Variants in SHPRH observed in about 807,000 individuals in gnomAD.
SHPRH encodes the protein E3 ubiquitin-protein ligase SHPRH.
Under a neutral mutation model 202.5 loss-of-function variants are expected in SHPRH, and 106 were observed. The ratio of observed to expected loss-of-function variants is 0.52; its 90% CI spans 0.45 to 0.62. SHPRH has a LOEUF of 0.62. SHPRH is among the 20% of genes least tolerant of loss of function. The pLI is 0.00. For synonymous variants in SHPRH, 729 were observed against 686.0 expected (o/e 1.06, Z -0.98); for missense variants, 1,710 against 2,020.0 (o/e 0.85, Z 2.94).
Position 145,867,826 on chromosome 6 carries a change from G to C in SHPRH, c.222-3335C>G, listed in dbSNP as rs76160100. Among the ~76,000 whole-genome samples, 10 of 151,766 alleles carry C rather than the reference G, an allele frequency of 6.6e-5. No individual in the cohort carries two copies. The East Asian group carries it at 1.6e-3, about 24-fold the overall frequency. ...TTCAGTTTCTGCTCTCCAGAACTGA[G>C]AGAATTAATTCCTGCGGTTCTAAGC... On this transcript the variant is annotated intron_variant, in intron 2 of 2. Transcript: ENST00000417762.
chr6:145,864,930 TAAAC>T (rs1264175350), intron 2 of SHPRH, among the ~76,000 whole-genome samples: 1 of 139,236 alleles, frequency 7.2e-6, no homozygotes, highest in Non-Finnish European at 1.6e-5. Flanking sequence ...ATAAAATTTA[TAAAC>T]ACACACACTC....
chr6:145,961,175 A>G (rs1160760756), intron 1 of SHPRH, among the ~76,000 whole-genome samples: 4 of 152,140 alleles, frequency 2.6e-5, no homozygotes, highest in Non-Finnish European at 5.9e-5. Flanking sequence ...CACAATAACC[A>G]AACTGTAATG....
At position 145,922,759 on chromosome 6, in the gene SHPRH, C is replaced by T. The variant is rs1474327547; in HGVS notation, c.3623G>A (p.Arg1208Lys). The change falls in exon 19 of 30, where the codon AGA becomes AAA. Residue 1208 changes from arginine (R) to lysine (K), a missense_variant. Physicochemically the swap from Arg to Lys is conservative, Grantham distance 26. Coordinates refer to ENST00000275233, the MANE Select transcript of SHPRH (RefSeq NM_001042683.3). ...TCCCTCCAGGTTTTTTACAGCCTCT[C>T]TTACTAGCTTCTGGCATTTATTTAG... is the stretch of plus-strand genomic sequence containing the variant. Reference protein sequence around the residue: ...EELNKCQKLVREAVKNLEGPP... With the variant: ...EELNKCQKLVKEAVKNLEGPP... The T allele has an allele frequency of 6.2e-7, 1 of 1,612,168 alleles. No homozygotes were observed. Among genetic ancestry groups the T allele is most frequent in the East Asian group, 2.2e-5 (1 of 44,760 alleles).
chr6:145,950,541 A>G, intron 3 of SHPRH, 59 bp from the exon 4 acceptor site: 1 of 1,507,206 alleles, frequency 6.6e-7, no homozygotes, highest in Non-Finnish European at 9.1e-7. Flanking sequence ...ACTATAAGCA[A>G]TTCTTATTCT....
In SHPRH at chr6:145,894,998, T is replaced by A. The variant is rs745405280; in HGVS notation, c.4516-21A>T. Reference sequence around the variant, plus strand: ...CTGCCCTTTGAACACACACACAAAATACACATTACTACTAAAAAATCTAGT... The same window carrying A: ...CTGCCCTTTGAACACACACACAAAAAACACATTACTACTAAAAAATCTAGT... On this transcript the variant is annotated intron_variant, in intron 25 of 29. Coordinates refer to ENST00000275233, the MANE Select transcript of SHPRH (RefSeq NM_001042683.3). The A allele has an allele frequency of 3.8e-6, 6 of 1,596,784 alleles. No individual in the cohort carries two copies. In the South Asian group the frequency reaches 5.6e-5, roughly 15 times the overall value.
intron 25 of SHPRH, among the ~76,000 whole-genome samples, chr6:145,897,542 G>GT (rs1782122634): frequency 6.6e-6 from 1 of 152,078 alleles, no homozygotes; most frequent in Non-Finnish European, 1.5e-5. Context: ...TACAAGACCA[G>GT]AAGTACTCTG....
At position 145,876,105 on chromosome 6, in the gene SHPRH, A is replaced by G. The variant is rs1439213605; in HGVS notation, c.222-11614T>C. ...TTGTGCAACTATCACTACAGTCTAA[A>G]TTTAGAACACTTTCATTACTCCATA... On this transcript the variant is annotated intron_variant, in intron 2 of 2. Coordinates refer to the SHPRH transcript ENST00000417762. 3.3e-5 allele frequency among the ~76,000 whole-genome samples: 5 copies of G among 152,330 alleles called. No individual in the cohort carries two copies. In the South Asian group the frequency reaches 1.0e-3, roughly 32 times the overall value.
In SHPRH at chr6:145,918,160, GC is replaced by G; in HGVS notation, c.4224del (p.Gln1409SerfsTer5). Reference protein sequence around the residue: ...VATSQLQKKLGQLLYLTNLEK... With the variant: ...VATSQLQKKLXQLLYLTNLEK... ...TCCAAATTAGTTAGGTAAAGAAGCT[GC>G]CCAAGTTTTTTCTGAAGCTGTGATG... On this transcript the variant is annotated frameshift_variant, in exon 23 of 30. Transcript: ENST00000275233. LOFTEE classifies it high-confidence loss of function. The G allele has an allele frequency of 6.2e-7, 1 of 1,606,382 alleles. No homozygotes were observed. Among genetic ancestry groups the G allele is most frequent in the South Asian group, 1.1e-5 (1 of 90,106 alleles).
At chr6:145,878,521 C>T (rs1780407025) in intron 2 of SHPRH, among the ~76,000 whole-genome samples, 1 of 152,156 alleles carries the variant, frequency 6.6e-6, no homozygotes, top group Admixed American at 6.5e-5. Context: ...AGCTGTTGAT[C>T]ATCTTTTCAT....
intron 2 of SHPRH, among the ~76,000 whole-genome samples, chr6:145,873,713 A>AGGGAGGGAGGG (rs1238940930): frequency 3.4e-5 from 3 of 87,922 alleles, no homozygotes; most frequent in African/African-American, 1.7e-4. Context: ...GGAAGGAAGG[A>AGGGAGGGAGGG]AGGGAGGGAG....
At chr6:145,929,942 C>T (rs1332242855) in intron 14 of SHPRH, among the ~76,000 whole-genome samples, 1 of 152,054 alleles carries the variant, frequency 6.6e-6, no homozygotes, top group Non-Finnish European at 1.5e-5. Flanking sequence ...CAATGTGCTT[C>T]TACATTTTGT....
chr6:145,880,190 A>C (rs1006376921), downstream of SHPRH, among the ~76,000 whole-genome samples: 1 of 152,172 alleles, frequency 6.6e-6, no homozygotes, highest in Non-Finnish European at 1.5e-5. Context: ...TTCATGAGAT[A>C]ATAAATTATT....
chr6:145,943,030 A>C (rs1161789436), intron 9 of SHPRH, 113 bp downstream of exon 9: 23 of 1,240,920 alleles, frequency 1.9e-5, no homozygotes, highest in Admixed American at 2.6e-5. Flanking sequence ...CATTACTATT[A>C]AATCATTCAG....
At chr6:145,914,900 C>T (rs146231554) in intron 23 of SHPRH, among the ~76,000 whole-genome samples, 3 of 151,984 alleles carry the variant, frequency 2.0e-5, no homozygotes, top group East Asian at 3.9e-4. Context: ...AAATGTTCCA[C>T]GTACACCTAA....
intron 29 of SHPRH, among the ~76,000 whole-genome samples, chr6:145,887,687 A>G (rs1016347379): frequency 7.2e-5 from 11 of 152,148 alleles, no homozygotes; most frequent in African/African-American, 2.6e-4. Context: ...GGTGCGTGTC[A>G]CCATGCCTGG....
rs1784849448 is a variant in SHPRH, at chr6:145,926,059, T to TCA, written c.3294+143_3294+144dup. The TCA allele has an allele frequency of 7.8e-6, 6 of 765,464 alleles. No homozygotes were observed. The South Asian group carries it at 1.1e-4, about 15-fold the overall frequency. The allele number at this position is 765,464 out of a possible 1,614,324, so 47.4% of individuals were successfully genotyped here. A position where few individuals can be genotyped will look rare whatever the true frequency, so the allele number is the denominator to read the frequency against. On this transcript the variant is annotated intron_variant, in intron 16 of 29. Coordinates refer to ENST00000275233, the MANE Select transcript of SHPRH (RefSeq NM_001042683.3). The stretch of plus-strand genomic sequence containing the variant: ...TGCTGCCATTCTCTGCTACCCAAAA[T>TCA]CACAACAAAATTCGAAACATCAAAG...
chr6:145,867,625 T>TAGAGAGAG (rs1207602984), intron 2 of SHPRH, among the ~76,000 whole-genome samples: 43 of 63,398 alleles, frequency 6.8e-4, no homozygotes, highest in African/African-American at 1.2e-3. Flanking sequence ...TATATATATA[T>TAGAGAGAG]ATATATAGAG....
chr6:145,910,364 G>A, intron 25 of SHPRH, 84 bp downstream of exon 25: 1 of 1,466,370 alleles, frequency 6.8e-7, no homozygotes, highest in Non-Finnish European at 9.4e-7. Context: ...AGCTTGTTCT[G>A]ATGTTCATGC....
At chr6:145,949,654 A>T (rs921308911) in intron 4 of SHPRH, among the ~76,000 whole-genome samples, 1 of 151,998 alleles carries the variant, frequency 6.6e-6, no homozygotes, top group African/African-American at 2.4e-5. Flanking sequence ...GGTATACTAA[A>T]AGCCCAGACT....
Sources: gnomAD v4.1 joint callset for allele counts (sites outside exome capture counted in the v4.1 genomes callset) on GRCh38, gnomAD v4.1.1 for gene constraint, MANE v1.5 for transcripts, NCBI Gene and HGNC (gene_info 2026-07-23, HGNC 2026-07-21) for gene names.